Variants in PTPRN2 observed in about 807,000 individuals in gnomAD.
PTPRN2 encodes receptor-type tyrosine-protein phosphatase N2.
Under a neutral mutation model 118.8 loss-of-function variants are expected in PTPRN2, and 74 were observed. That is an observed-to-expected ratio of 0.62 (90% CI 0.52 to 0.76). The LOEUF (loss-of-function observed/expected upper bound fraction) is 0.76. Among genes scored for constraint, PTPRN2 ranks in the 30% least tolerant of loss-of-function variants. The pLI is 0.00. For synonymous variants in PTPRN2, 641 were observed against 608.0 expected, an observed-to-expected ratio of 1.05 and a Z score of -0.80; for missense variants, 1,481 against 1,394.4, an observed-to-expected ratio of 1.06 and a Z score of -0.99.
Position 157,729,833 on chromosome 7 carries a change from C to T in PTPRN2, c.1789-46896G>A, listed in dbSNP as rs963834298. The stretch of plus-strand genomic sequence containing the variant: ...CACGTGGAGGACGGGGAGCGGCAGG[C>T]GGATGAGGGAAGGACCGTCCATTTG... On this transcript the variant is annotated intron_variant, in intron 12 of 22. Transcript: ENST00000389418. The surrounding 1 kb of genome is among the most constrained non-coding windows in gnomAD (Gnocchi z 4.3). Among the ~76,000 whole-genome samples, 4 of 152,086 alleles carry T rather than the reference C, an allele frequency of 2.6e-5. No individual in the cohort carries two copies. Among genetic ancestry groups the T allele is most frequent in the East Asian group, 3.9e-4 (2 of 5,188 alleles).
At chr7:158,094,326 T>G (rs1814448066) in intron 10 of PTPRN2, among the ~76,000 whole-genome samples, 1 of 152,074 alleles carries the variant, frequency 6.6e-6, no homozygotes, top group African/African-American at 2.4e-5. Context: ...TGTTTTTGTT[T>G]TCAGACGGAG....
At chr7:158,054,220 T>C (rs1346984266) in intron 11 of PTPRN2, among the ~76,000 whole-genome samples, 1 of 152,202 alleles carries the variant, frequency 6.6e-6, no homozygotes, top group Non-Finnish European at 1.5e-5. Flanking sequence ...GAAGTAGGAA[T>C]GTGCCTGTGG....
chr7:158,366,123 A>C (rs1809481837), intron 2 of PTPRN2, among the ~76,000 whole-genome samples: 1 of 140,340 alleles, frequency 7.1e-6, no homozygotes, highest in African/African-American at 2.7e-5. Context: ...AGCCCAATGC[A>C]CGCGTGCACA....
intron 3 of PTPRN2, among the ~76,000 whole-genome samples, chr7:158,212,669 T>C (rs902315025): frequency 3.3e-5 from 5 of 152,160 alleles, no homozygotes; most frequent in African/African-American, 4.8e-5. Flanking sequence ...CATGGAAATA[T>C]TGTGGTCACA....
intron 14 of PTPRN2, among the ~76,000 whole-genome samples, chr7:157,644,158 G>A (rs533837791): frequency 8.5e-5 from 13 of 152,380 alleles, no homozygotes; most frequent in Non-Finnish European, 1.6e-4. Context: ...CAGAGATGAT[G>A]GAGTTAAAAT....
rs2150555841 is a variant in PTPRN2, at chr7:157,591,480, T to A, written c.2496+3758A>T. On this transcript the variant is annotated intron_variant, in intron 17 of 22. Transcript: ENST00000389418. This position sits in a 1 kb window ranked among gnomAD's most constrained non-coding sequence, Gnocchi z 4.4. Reference sequence around the variant, plus strand: ...ACTCCAACTCAGCCTGTTGACTTCGTCATCACCAACTTCGCATTTCAAATC... The same window carrying A: ...ACTCCAACTCAGCCTGTTGACTTCGACATCACCAACTTCGCATTTCAAATC... Among the ~76,000 whole-genome samples, 1 of 152,352 alleles carries A rather than the reference T, an allele frequency of 6.6e-6. No homozygotes were observed.
At chr7:158,010,712 GT>G (rs1247901321) in intron 11 of PTPRN2, among the ~76,000 whole-genome samples, 2 of 152,212 alleles carry the variant, frequency 1.3e-5, no homozygotes, top group African/African-American at 4.8e-5. Context: ...AGTATGAGAA[GT>G]TTATATACTT....
At chr7:158,429,582 C>T (rs189046353) in intron 2 of PTPRN2, among the ~76,000 whole-genome samples, 1 of 152,364 alleles carries the variant, frequency 6.6e-6, no homozygotes, top group East Asian at 1.9e-4. Context: ...CCTGGTCCCA[C>T]CTCCCTCCTG....
At chr7:158,131,938 T>C (rs1283584003) in intron 9 of PTPRN2, among the ~76,000 whole-genome samples, 20 of 134,058 alleles carry the variant, frequency 1.5e-4, no homozygotes, top group African/African-American at 5.1e-4. Context: ...CCGACACACA[T>C]ACACACACAT....
intron 11 of PTPRN2, chr7:158,029,684 T>C (rs1345891491): frequency 3.9e-5 from 6 of 152,256 alleles, no homozygotes; most frequent in Non-Finnish European, 8.8e-5. Flanking sequence ...AATAACACGT[T>C]CACAGGGGCT....
rs146088797 is a variant in PTPRN2 at position 157,569,231 on chromosome 7, C to A, written c.2838-265G>T. Among the ~76,000 whole-genome samples the A allele has an allele frequency of 6.6e-5, 10 of 152,352 alleles. No homozygotes were observed. The East Asian group carries it at 1.7e-3, about 26-fold the overall frequency. ...CAGATGTGACTCCCTCTTGCTTGTT[C>A]CCCCCTCTTTGGCCAAAGATGTGGT... On this transcript the variant is annotated intron_variant, in intron 20 of 22. Transcript: ENST00000389418.
intron 3 of PTPRN2, among the ~76,000 whole-genome samples, chr7:158,307,914 G>A (rs1400124997): frequency 6.6e-6 from 1 of 152,062 alleles, no homozygotes; most frequent in Non-Finnish European, 1.5e-5. Context: ...AGGGAGACCT[G>A]AGCTAGCACA....
chr7:158,407,235 G>C lies in PTPRN2; in HGVS notation c.163+82500C>G, dbSNP rs1317748918. On this transcript the variant is annotated intron_variant, in intron 2 of 22. Coordinates refer to ENST00000389418, the MANE Select transcript of PTPRN2 (RefSeq NM_002847.5). The stretch of plus-strand genomic sequence containing the variant: ...CCTGCGTCCTGCGTCCTGGGTCCTG[G>C]GTCCTGGGTCCTGCGTCCTGGGTCC... Among the ~76,000 whole-genome samples the C allele has an allele frequency of 2.0e-3, 77 of 39,236 alleles. 2 individuals are homozygous for C. The highest frequency in any genetic ancestry group is 2.9e-3 in the Admixed American group (11 of 3,842). The allele number at this position is 39,236 out of a possible 152,430, so 25.7% of individuals were successfully genotyped here.
intron 8 of PTPRN2, 80 bp from the exon 9 acceptor site, chr7:158,134,139 CAG>C: frequency 1.3e-6 from 2 of 1,486,806 alleles, no homozygotes; most frequent in Middle Eastern, 1.8e-4. Flanking sequence ...CTGCCCGGGA[CAG>C]AGTCACTGTG....
chr7:158,319,924 G>C (rs1189911969), intron 2 of PTPRN2, among the ~76,000 whole-genome samples: 1 of 19,788 alleles, frequency 5.1e-5, no homozygotes, highest in Non-Finnish European at 9.5e-5. Context: ...CACACACACA[G>C]CCTCCCTCAC....
chr7:157,604,093 A>G lies in PTPRN2; in HGVS notation c.2345-18T>C. On this transcript the variant is annotated intron_variant, in intron 15 of 22. Coordinates refer to ENST00000389418, the MANE Select transcript of PTPRN2 (RefSeq NM_002847.5). ...GTGGTCATCTGCAAGGACACAGTGC[A>G]GGGGTCAGAGGAACATTGGCCCACC... 1 of 1,612,504 alleles carries G rather than the reference A, an allele frequency of 6.2e-7. No homozygotes were observed.
At chr7:157,921,878 G>A (rs1798709272) in intron 11 of PTPRN2, among the ~76,000 whole-genome samples, 2 of 152,224 alleles carry the variant, frequency 1.3e-5, no homozygotes, top group South Asian at 4.1e-4. Context: ...ACCATGGAAT[G>A]AATGTGGGCT....
At chr7:158,132,993 G>GT (rs1818498446) in intron 9 of PTPRN2, among the ~76,000 whole-genome samples, 1 of 152,222 alleles carries the variant, frequency 6.6e-6, no homozygotes, top group Non-Finnish European at 1.5e-5. Context: ...AGCATCAAAT[G>GT]TCAGATTCAT....
intron 2 of PTPRN2, among the ~76,000 whole-genome samples, chr7:158,379,337 C>T (rs903460532): frequency 3.3e-5 from 5 of 152,074 alleles, no homozygotes; most frequent in African/African-American, 1.2e-4. Context: ...CAAGACCCAC[C>T]TTCATAGATG....
Sources: allele counts gnomAD v4.1 joint callset (sites outside exome capture counted in the v4.1 genomes callset), GRCh38; gene constraint gnomAD v4.1.1; non-coding constraint Gnocchi (gnomAD v3.1); transcripts MANE v1.5; gene names NCBI Gene and HGNC (gene_info 2026-07-23, HGNC 2026-07-21).